Variants in TPTE observed in about 807,000 individuals in gnomAD.
TPTE encodes the protein transmembrane phosphatase with tensin homology, also known as putative tyrosine-protein phosphatase TPTE.
Under a neutral mutation model 84.1 loss-of-function variants are expected in TPTE, and 59 were observed. The ratio of observed to expected loss-of-function variants is 0.70; its 90% CI spans 0.57 to 0.87. TPTE has a LOEUF of 0.87. Ranked by LOEUF, TPTE falls within the 40% of genes least tolerant of loss-of-function variation. The probability of loss-of-function intolerance (pLI) is 0.00; values close to 1 mark genes in which losing one functional copy is unlikely to be tolerated. For synonymous variants in TPTE, 130 were observed against 223.5 expected, an observed-to-expected ratio of 0.58 and a Z score of 3.73; for missense variants, 382 against 659.6, an observed-to-expected ratio of 0.58 and a Z score of 4.61.
At chr21:10,581,092 T>A (rs1227167803) in intron 17 of TPTE, among the ~76,000 whole-genome samples, 39 of 152,372 alleles carry the variant, frequency 2.6e-4, no homozygotes, top group African/African-American at 9.4e-4. Flanking sequence ...TCTTATTGAC[T>A]AGTTTCAAGC....
intron 10 of TPTE, among the ~76,000 whole-genome samples, chr21:10,562,682 A>G (rs369198646): frequency 3.3e-5 from 5 of 152,304 alleles, no homozygotes; most frequent in East Asian, 1.9e-4. Context: ...AGAAAGAATT[A>G]ATGAGCTTGA....
intron 20 of TPTE, among the ~76,000 whole-genome samples, chr21:10,597,369 G>A (rs1191826782): frequency 6.6e-6 from 1 of 152,290 alleles, no homozygotes; most frequent in South Asian, 2.1e-4. Context: ...TAGCAAGAAA[G>A]GTTGCAAAGG....
chr21:10,547,698 A>G (rs1306597235), intron 7 of TPTE, among the ~76,000 whole-genome samples: 3 of 152,308 alleles, frequency 2.0e-5, no homozygotes, highest in African/African-American at 7.2e-5. Flanking sequence ...CCTCTCCAGC[A>G]CTGGAGCTTT....
intron 2 of TPTE, among the ~76,000 whole-genome samples, chr21:10,525,400 C>G (rs469868): frequency 0.77 from 116,512 of 151,700 alleles, 40,727 homozygotes; most frequent in Non-Finnish European, 0.88. Flanking sequence ...TCTCCAGGAA[C>G]GTTTAGGAAG....
At chr21:10,563,419 A>G (rs1276925311) in intron 10 of TPTE, among the ~76,000 whole-genome samples, 1 of 152,310 alleles carries the variant, frequency 6.6e-6, no homozygotes, top group Non-Finnish European at 1.5e-5. Flanking sequence ...AGACTAAACT[A>G]TGAGCCAATG....
Position 10,580,284 on chromosome 21 carries a change from T to C in TPTE, c.1027+1679T>C, listed in dbSNP as rs550698940. 1.6e-4 allele frequency among the ~76,000 whole-genome samples: 24 copies of C among 152,406 alleles called. No individual in the cohort carries two copies. In the South Asian group the frequency reaches 4.8e-3, roughly 30 times the overall value. ...TATTATCGAATGTATGCTTTGTAGA[T>C]ATTTCTCCCATTCTGTAGGTTGTCT... On this transcript the variant is annotated intron_variant, in intron 17 of 23. Coordinates refer to ENST00000618007, the MANE Select transcript of TPTE (RefSeq NM_199261.4).
intron 19 of TPTE, among the ~76,000 whole-genome samples, chr21:10,593,952 C>A: frequency 6.6e-6 from 1 of 152,408 alleles, no homozygotes; most frequent in Non-Finnish European, 1.5e-5. Flanking sequence ...ACACCCAAGC[C>A]CCAAACAAAA....
chr21:10,598,008 GGAACAGGTTATGTACGTGATCTAAA>G lies in TPTE; in HGVS notation c.1277-6_1295del, dbSNP rs752919881. The G allele has an allele frequency of 2.5e-6, 4 of 1,612,802 alleles. No homozygotes were observed. Among genetic ancestry groups the G allele is most frequent in the Non-Finnish European group, 3.4e-6 (4 of 1,179,350 alleles). On this transcript the variant is annotated splice_acceptor_variant and splice_polypyrimidine_tract_variant and coding_sequence_variant and intron_variant, in exon 21 of 24. Coordinates refer to ENST00000618007, the MANE Select transcript of TPTE (RefSeq NM_199261.4). LOFTEE classifies it high-confidence loss of function. ...CCTAACTTTTTAATTTCATTTTGTT[GGAACAGGTTATGTACGTGATCTAAA>G]AATCCAAATAGAAATGGAGAAAAAG...
In TPTE at chr21:10,540,561, C is replaced by A. The variant is rs1467819919; in HGVS notation, c.12-551C>A. Among the ~76,000 whole-genome samples the A allele has an allele frequency of 3.3e-5, 5 of 152,428 alleles. No homozygotes were observed. In the South Asian group the frequency reaches 8.3e-4, roughly 25 times the overall value. The stretch of plus-strand genomic sequence containing the variant: ...GAGTGGACAAAGATCAGAGAAATCC[C>A]AGCCAAAACAAAGAACAGAGCTAAT... On this transcript the variant is annotated intron_variant, in intron 4 of 23. Transcript: ENST00000618007.
At position 10,598,110 on chromosome 21, in the gene TPTE, T is replaced by C. The variant is rs752148161; in HGVS notation, c.1356+16T>C. On this transcript the variant is annotated intron_variant, in intron 21 of 23. Transcript: ENST00000618007. ...AAAATGTTCGGTAAGAGAAAACATGTGAATTGAAAAAATCTGATGTTTGTT... is the reference window on the plus strand; with the variant it reads ...AAAATGTTCGGTAAGAGAAAACATGCGAATTGAAAAAATCTGATGTTTGTT... 18 of 1,613,132 alleles carry C rather than the reference T, an allele frequency of 1.1e-5. No individual in the cohort carries two copies. Among genetic ancestry groups the C allele is most frequent in the Middle Eastern group, 1.6e-4 (1 of 6,074 alleles).
At chr21:10,575,910 GCTA>G (rs1232891164) in intron 14 of TPTE, among the ~76,000 whole-genome samples, 3 of 152,296 alleles carry the variant, frequency 2.0e-5, no homozygotes, top group Non-Finnish European at 4.4e-5. Flanking sequence ...AGTCAGAATG[GCTA>G]CTATTAAAAA....
chr21:10,535,169 G>A (rs1407466993), intron 3 of TPTE, among the ~76,000 whole-genome samples: 2 of 152,424 alleles, frequency 1.3e-5, no homozygotes, highest in South Asian at 4.1e-4. Context: ...AAAAGTGTAA[G>A]TCCAAATTGT....
intron 2 of TPTE, among the ~76,000 whole-genome samples, 198 bp from the exon 3 acceptor site, chr21:10,527,157 T>TCACACACACACA (rs58743171): frequency 2.7e-5 from 4 of 150,404 alleles, no homozygotes; most frequent in Middle Eastern, 3.4e-3. Flanking sequence ...TCTCTCTCTC[T>TCACACACACACA]CACACACACA....
At chr21:10,558,907 A>T (rs549445305) in intron 8 of TPTE, among the ~76,000 whole-genome samples, 216 of 152,352 alleles carry the variant, frequency 1.4e-3, no homozygotes, top group African/African-American at 4.9e-3. Context: ...CCTTTGATTA[A>T]TGGAAGGAGC....
chr21:10,583,930 ATCT>A (rs1177366329), intron 17 of TPTE, among the ~76,000 whole-genome samples: 57 of 152,316 alleles, frequency 3.7e-4, no homozygotes, highest in African/African-American at 1.1e-3. Flanking sequence ...TGTCCTCATC[ATCT>A]TCTTCTTTTT....
At chr21:10,547,710 T>G (rs1445825238) in intron 7 of TPTE, among the ~76,000 whole-genome samples, 26 of 152,298 alleles carry the variant, frequency 1.7e-4, no homozygotes, top group Non-Finnish European at 2.5e-4. Flanking sequence ...TGGAGCTTTA[T>G]CTTCAGTACA....
intron 8 of TPTE, among the ~76,000 whole-genome samples, chr21:10,558,147 A>G (rs376550164): frequency 1.8e-3 from 280 of 152,286 alleles, no homozygotes; most frequent in African/African-American, 5.8e-3. Flanking sequence ...TCTTTATCCA[A>G]TCTGTCATTG....
At chr21:10,540,197 T>C in intron 4 of TPTE, among the ~76,000 whole-genome samples, 1 of 152,424 alleles carries the variant, frequency 6.6e-6, no homozygotes, top group South Asian at 2.1e-4. Context: ...ATGCACCATG[T>C]GATACCAAGG....
intron 14 of TPTE, among the ~76,000 whole-genome samples, chr21:10,577,200 A>G (rs1053454989): frequency 6.6e-6 from 1 of 152,310 alleles, no homozygotes; most frequent in Non-Finnish European, 1.5e-5. Flanking sequence ...TAACCAGCTA[A>G]TTTACTTATC....
Sources: gnomAD v4.1 joint callset for allele counts (sites outside exome capture counted in the v4.1 genomes callset) on GRCh38, gnomAD v4.1.1 for gene constraint, MANE v1.5 for transcripts, NCBI Gene and HGNC (gene_info 2026-07-23, HGNC 2026-07-21) for gene names.